The following ZMYM5 variants were observed in gnomAD, a reference collection of about 807,000 sequenced individuals.
ZMYM5 encodes the protein zinc finger MYM-type containing 5.
In ZMYM5, 41 loss-of-function variants were observed where a neutral mutation model predicts 61.8. The ratio of observed to expected loss-of-function variants is 0.66; its 90% confidence interval spans 0.52 to 0.86. The LOEUF is 0.86. ZMYM5 is among the 40% of genes least tolerant of loss of function. The pLI, the probability that ZMYM5 is intolerant of heterozygous loss-of-function variation, is 0.00. For synonymous variants in ZMYM5, 257 were observed against 276.4 expected, an observed-to-expected ratio of 0.93 and a Z score of 0.70; for missense variants, 706 against 786.7, an observed-to-expected ratio of 0.90 and a Z score of 1.23.
rs750763055 is a variant in ZMYM5, at chr13:19,852,001, A to G, written c.180T>C (p.Val60=). The G allele has an allele frequency of 8.1e-6, 13 of 1,613,552 alleles. No individual in the cohort carries two copies. The highest frequency in any genetic ancestry group is 1.1e-5 in the Non-Finnish European group (13 of 1,179,606). The change falls in exon 3 of 8, where the codon GTT becomes GTC. Residue 60 remains valine (V), a synonymous_variant. Transcript: ENST00000337963. ...PVEDDDDDDD[V]VFIESIQPPS... ...GAGGTTGTATAGATTCAATAAACACAACATCATCATCATCATCATCATCTT... is the reference window on the plus strand; with the variant it reads ...GAGGTTGTATAGATTCAATAAACACGACATCATCATCATCATCATCATCTT...
At chr13:19,851,283 T>G in intron 4 of ZMYM5, 72 bp downstream of exon 4, 2 of 1,301,666 alleles carry the variant, frequency 1.5e-6, no homozygotes, top group South Asian at 2.5e-5. Flanking sequence ...ATAAAATAGA[T>G]ATGAGCTTTA....
rs1385517017 is a variant in ZMYM5 at position 19,851,758 on chromosome 13, C to T, written c.423G>A (p.Trp141Ter). 1 of 1,599,544 alleles carries T rather than the reference C, an allele frequency of 6.3e-7. No homozygotes were observed. Among genetic ancestry groups the T allele is most frequent in the Admixed American group, 1.8e-5 (1 of 55,628 alleles). ...TTTTGTTTTTAGTTCCAGGAAGTCCCCATTCGATAAAACAGGAAGACTTTT... is the reference window on the plus strand; with the variant it reads ...TTTTGTTTTTAGTTCCAGGAAGTCCTCATTCGATAAAACAGGAAGACTTTT... ...AEKKSSCFIE[W>*]GLPGTKNKTN... The change falls in exon 3 of 8, where the codon TGG becomes TGA. Residue 141 changes from tryptophan to a stop codon, truncating the protein, a stop_gained. Coordinates refer to ENST00000337963, the MANE Select transcript of ZMYM5 (RefSeq NM_001142684.2). LOFTEE classifies it high-confidence loss of function.
chr13:19,854,569 A>G (rs948042472), intron 2 of ZMYM5, among the ~76,000 whole-genome samples: 8 of 147,194 alleles, frequency 5.4e-5, no homozygotes, highest in African/African-American at 2.0e-4. Context: ...AGGAGGTTAC[A>G]GTGAGCTGAG....
At chr13:19,840,853 AT>A (rs1481682821) in intron 4 of ZMYM5, among the ~76,000 whole-genome samples, 1 of 151,528 alleles carries the variant, frequency 6.6e-6, no homozygotes, top group Non-Finnish European at 1.5e-5. Flanking sequence ...AATTTTTTGT[AT>A]TTTTAGTAGA....
chr13:19,829,684 G>A (rs1465851819), intron 7 of ZMYM5, among the ~76,000 whole-genome samples: 1 of 152,034 alleles, frequency 6.6e-6, no homozygotes, highest in Non-Finnish European at 1.5e-5. Flanking sequence ...AGCCTCAAAC[G>A]CCTGGGCTCA....
chr13:19,824,270 C>G lies in ZMYM5; in HGVS notation c.*207G>C, dbSNP rs777255584. ...TCTTCATTGCCTAATGAAGTCATTG[C>G]CTAATGATGATTGAATCTAATTAGT... On this transcript the variant is annotated 3_prime_UTR_variant, in exon 8 of 8. Coordinates refer to ENST00000337963, the MANE Select transcript of ZMYM5 (RefSeq NM_001142684.2). The G allele has an allele frequency of 9.6e-6, 2 of 207,484 alleles. No individual in the cohort carries two copies. Among genetic ancestry groups the G allele is most frequent in the Admixed American group, 6.3e-5 (1 of 15,996 alleles). 12.9% of individuals were successfully genotyped at this position (207,484 alleles called of 1,614,324 possible). A position where few individuals can be genotyped will look rare whatever the true frequency, so the allele number is the denominator to read the frequency against.
chr13:19,833,834 A>T (rs1199490321), intron 7 of ZMYM5, among the ~76,000 whole-genome samples: 1 of 152,188 alleles, frequency 6.6e-6, no homozygotes, highest in Non-Finnish European at 1.5e-5. Context: ...TGAAAAGACA[A>T]ATCAGTCTGA....
intron 7 of ZMYM5, among the ~76,000 whole-genome samples, chr13:19,828,691 T>C (rs1331946945): frequency 1.3e-5 from 2 of 152,294 alleles, no homozygotes; most frequent in East Asian, 1.9e-4. Flanking sequence ...GCAGTAGAGA[T>C]AGGAGTTGAG....
intron 4 of ZMYM5, chr13:19,843,549 T>C (rs1355473432): frequency 1.3e-5 from 2 of 151,652 alleles, no homozygotes; most frequent in Non-Finnish European, 2.9e-5. Context: ...GTGAAAGAAA[T>C]AAACAGGCAC....
intron 2 of ZMYM5, among the ~76,000 whole-genome samples, chr13:19,859,056 C>G (rs1953622467): frequency 6.6e-6 from 1 of 151,806 alleles, no homozygotes; most frequent in Non-Finnish European, 1.5e-5. Context: ...TGCTTGAACC[C>G]AGGAGGCAGA....
chr13:19,854,815 C>T lies in ZMYM5; in HGVS notation c.-10-2625G>A, dbSNP rs1035897285. Among the ~76,000 whole-genome samples, 7 of 152,044 alleles carry T rather than the reference C, an allele frequency of 4.6e-5. No individual in the cohort carries two copies. The South Asian group carries it at 8.3e-4, about 18-fold the overall frequency. ...AATTAAGAGCCAGGAGATAAGTAAC[C>T]TGCCTAACTCACCATTGCTGAAAAA... is the stretch of plus-strand genomic sequence containing the variant. On this transcript the variant is annotated intron_variant, in intron 2 of 7. Coordinates refer to ENST00000337963, the MANE Select transcript of ZMYM5 (RefSeq NM_001142684.2).
chr13:19,850,986 A>G (rs953080991), intron 4 of ZMYM5, among the ~76,000 whole-genome samples: 3 of 152,172 alleles, frequency 2.0e-5, no homozygotes, highest in Non-Finnish European at 4.4e-5. Context: ...AGACAGGTGG[A>G]TCACTTGAGG....
At chr13:19,834,758 T>G (rs1299105468) in intron 7 of ZMYM5, among the ~76,000 whole-genome samples, 1 of 152,176 alleles carries the variant, frequency 6.6e-6, no homozygotes, top group Non-Finnish European at 1.5e-5. Context: ...TGGCATGATC[T>G]CGGGTTTGCA....
chr13:19,832,534 C>T (rs1036571686), intron 7 of ZMYM5, among the ~76,000 whole-genome samples: 1 of 152,084 alleles, frequency 6.6e-6, no homozygotes, highest in African/African-American at 2.4e-5. Context: ...ACTATGTTGG[C>T]CAGGCTGGTC....
intron 4 of ZMYM5, chr13:19,843,766 G>A (rs1399333380): frequency 6.6e-6 from 1 of 151,726 alleles, no homozygotes; most frequent in African/African-American, 2.4e-5. Context: ...AACCTGGGAG[G>A]CGGAGGTTGT....
In ZMYM5 at chr13:19,851,991, C is replaced by A. The variant is rs1953323367; in HGVS notation, c.190G>T (p.Glu64Ter). The change falls in exon 3 of 8, where the codon GAA becomes TAA. Residue 64 changes from glutamate (E) to a stop codon, truncating the protein, a stop_gained. Transcript: ENST00000337963. LOFTEE classifies it high-confidence loss of function. The stretch of plus-strand genomic sequence containing the variant: ...GAAATTGAAGGAGGTTGTATAGATT[C>A]AATAAACACAACATCATCATCATCA... ...DDDDDDVVFIESIQPPSISAP... is the reference protein window; with the variant it reads ...DDDDDDVVFI 6 of 1,613,932 alleles carry A rather than the reference C, an allele frequency of 3.7e-6. No individual in the cohort carries two copies. The highest frequency in any genetic ancestry group is 4.2e-6 in the Non-Finnish European group (5 of 1,180,008).
chr13:19,856,870 G>A (rs1221288904), intron 2 of ZMYM5, among the ~76,000 whole-genome samples: 1 of 152,106 alleles, frequency 6.6e-6, no homozygotes, highest in Non-Finnish European at 1.5e-5. Context: ...ACTTTGGGAG[G>A]CAGAGGCGGG....
chr13:19,841,722 A>G (rs1255090056), intron 4 of ZMYM5: 1 of 152,118 alleles, frequency 6.6e-6, no homozygotes, highest in Non-Finnish European at 1.5e-5. Context: ...TGTTTATACA[A>G]AAGTATGTGG....
At chr13:19,834,994 CT>C (rs71070250) in intron 7 of ZMYM5, among the ~76,000 whole-genome samples, 94,968 of 140,544 alleles carry the variant, frequency 0.68, 34,039 homozygotes, top group East Asian at 0.88. Flanking sequence ...CATTTTCTTT[CT>C]TTTTTTTTTT....
Sources: allele counts gnomAD v4.1 joint callset (sites outside exome capture counted in the v4.1 genomes callset), GRCh38; gene constraint gnomAD v4.1.1; transcripts MANE v1.5; gene names NCBI Gene and HGNC (gene_info 2026-07-23, HGNC 2026-07-21).